The following PM20D2 variants were observed in gnomAD, a reference collection of about 807,000 sequenced individuals.
PM20D2 encodes the protein xaa-Arg dipeptidase.
In PM20D2, 33 loss-of-function variants were observed where a neutral mutation model predicts 42.9. The observed-to-expected ratio is 0.77, with a 90% CI of 0.58 to 1.03. The LOEUF is 1.03. Ranked by LOEUF, PM20D2 falls within the 50% of genes least tolerant of loss-of-function variation. The pLI, the probability that PM20D2 is intolerant of heterozygous loss-of-function variation, is 0.00. For synonymous variants in PM20D2, 250 were observed against 228.2 expected, an observed-to-expected ratio of 1.10 and a Z score of -0.86; for missense variants, 548 against 557.0, an observed-to-expected ratio of 0.98 and a Z score of 0.16.
the PM20D2 span, among the ~76,000 whole-genome samples, chr6:89,122,757 A>G: frequency 1.1e-4 from 16 of 152,200 alleles, no homozygotes; most frequent in African/African-American, 3.1e-4. Flanking sequence ...TCAACAGAGA[A>G]TATCATTTTA....
the PM20D2 span, chr6:89,105,078 G>T: frequency 6.5e-7 from 1 of 1,544,168 alleles, no homozygotes; most frequent in Non-Finnish European, 8.8e-7. Flanking sequence ...CTATTTCCCA[G>T]AAAAAGTAGA....
intron 4 of PM20D2, 85 bp from the exon 5 acceptor site, chr6:89,158,240 C>T: frequency 8.2e-7 from 1 of 1,225,704 alleles, no homozygotes; most frequent in Non-Finnish European, 1.1e-6. Flanking sequence ...AAACCTCTTC[C>T]TATTAGAGAA....
intron 4 of PM20D2, 61 bp downstream of exon 4, chr6:89,154,963 G>A: frequency 7.6e-7 from 1 of 1,314,996 alleles, no homozygotes; most frequent in Non-Finnish European, 1.0e-6. Context: ...GGCTAGCACT[G>A]TTAGATTGAA....
In PM20D2 at chr6:89,146,359, C is replaced by T. The variant is rs1231820149; in HGVS notation, c.215C>T (p.Ala72Val). 5 of 1,551,168 alleles carry T rather than the reference C, an allele frequency of 3.2e-6. No individual in the cohort carries two copies. The highest frequency in any genetic ancestry group is 1.9e-5 in the Admixed American group (1 of 52,432). Residue 72 changes from alanine to valine, a missense_variant, in exon 1 of 7, where the codon GCG becomes GTG. Ala to Val is a moderately conservative substitution (Grantham distance 64, BLOSUM62 0). Coordinates refer to ENST00000275072, the MANE Select transcript of PM20D2 (RefSeq NM_001010853.3). ...LTHFFEREPP[A>V]ASWAVQPHYQ... Reference sequence around the variant, plus strand: ...CACTTCTTCGAGCGGGAGCCGCCCGCGGCCTCCTGGGCAGTGCAGCCGCAC... The same window carrying T: ...CACTTCTTCGAGCGGGAGCCGCCCGTGGCCTCCTGGGCAGTGCAGCCGCAC...
intron 2 of PM20D2, among the ~76,000 whole-genome samples, chr6:89,152,687 T>A (rs917544877): frequency 6.6e-6 from 1 of 152,202 alleles, no homozygotes; most frequent in East Asian, 1.9e-4. Flanking sequence ...TACAGACTTT[T>A]GATAATAGAA....
Position 89,154,831 on chromosome 6 carries a change from A to T in PM20D2, c.841A>T (p.Lys281Ter), listed in dbSNP as rs778490155. The T allele has an allele frequency of 6.2e-7, 1 of 1,610,158 alleles. No homozygotes were observed. Residue 281 changes from lysine (K) to a stop codon, truncating the protein, a stop_gained, in exon 4 of 7, where the codon AAA becomes TAA. Coordinates refer to ENST00000275072, the MANE Select transcript of PM20D2 (RefSeq NM_001010853.3). LOFTEE classifies it high-confidence loss of function. ...CTATTACTTCCGTGCACCCTCAATGAAAGAACTTCAAGTTTTGACCAAAAA... is the reference window on the plus strand; with the variant it reads ...CTATTACTTCCGTGCACCCTCAATGTAAGAACTTCAAGTTTTGACCAAAAA... ...LIYYFRAPSM[K>*]ELQVLTKKAE...
chr6:89,136,547 GGGCGC>G, the PM20D2 span, among the ~76,000 whole-genome samples: 2 of 150,498 alleles, frequency 1.3e-5, no homozygotes. Context: ...GCGTGGTGGT[GGGCGC>G]CTGTAGTCCC....
chr6:89,161,710 T>G (rs1194506583), intron 5 of PM20D2, 73 bp from the exon 6 acceptor site: 1 of 1,176,826 alleles, frequency 8.5e-7, no homozygotes, highest in Non-Finnish European at 1.3e-6. Context: ...TAACAGGGAC[T>G]GTGACTTCAT....
rs1018741895 is a variant in PM20D2, at chr6:89,162,399, G to A, written c.*136G>A. ...ACCTGATAAGTGAGGACAGGGTGTG[G>A]AGAAAACATATTAATTACCTCATAT... On this transcript the variant is annotated 3_prime_UTR_variant, in exon 7 of 7. Coordinates refer to ENST00000275072, the MANE Select transcript of PM20D2 (RefSeq NM_001010853.3). 4 of 920,572 alleles carry A rather than the reference G, an allele frequency of 4.3e-6. No homozygotes were observed. The African/African-American group carries it at 5.0e-5, about 12-fold the overall frequency. The allele number at this position is 920,572 out of a possible 1,614,324, so 57.0% of individuals were successfully genotyped here.
At chr6:89,108,485 C>T in the PM20D2 span, among the ~76,000 whole-genome samples, 3 of 152,208 alleles carry the variant, frequency 2.0e-5, no homozygotes, top group Admixed American at 1.3e-4. Flanking sequence ...AATTTTCAGT[C>T]TCATACTGGT....
upstream of PM20D2, among the ~76,000 whole-genome samples, chr6:89,143,237 T>A (rs893549260): frequency 6.6e-6 from 1 of 152,196 alleles, no homozygotes; most frequent in African/African-American, 2.4e-5. Context: ...GAGTTCTGAA[T>A]CTGAAGCCCA....
the PM20D2 span, among the ~76,000 whole-genome samples, chr6:89,104,692 T>G: frequency 6.6e-6 from 1 of 152,180 alleles, no homozygotes; most frequent in African/African-American, 2.4e-5. Context: ...TGTTATCTTT[T>G]AACAAAAATT....
At chr6:89,143,977 A>T (rs10223547), upstream of PM20D2, among the ~76,000 whole-genome samples, 40,637 of 152,178 alleles carry the variant, frequency 0.27, 5,533 homozygotes, top group Admixed American at 0.32. Context: ...TGACCATAAG[A>T]TGTTAGGTGC....
intron 5 of PM20D2, among the ~76,000 whole-genome samples, chr6:89,159,720 C>G (rs1484898821): frequency 1.3e-5 from 2 of 152,146 alleles, no homozygotes; most frequent in East Asian, 1.9e-4. Context: ...GAGACTTTCC[C>G]TCTAGGAAGT....
the PM20D2 span, among the ~76,000 whole-genome samples, chr6:89,128,355 T>C: frequency 6.6e-6 from 1 of 152,172 alleles, no homozygotes; most frequent in South Asian, 2.1e-4. Flanking sequence ...CTCAGGCTTA[T>C]TAGGGTGGGG....
Position 89,153,174 on chromosome 6 carries a change from G to A in PM20D2, c.746G>A (p.Trp249Ter). Residue 249 changes from tryptophan to a stop codon, truncating the protein, a stop_gained, in exon 3 of 7, where the codon TGG becomes TAG. Transcript: ENST00000275072. LOFTEE classifies it high-confidence loss of function. Reference sequence around the variant, plus strand: ...TTCAGACAGCAAATGAAACCAACCTGGAGAGTTCATGGTATGAATGTCAAA... The same window carrying A: ...TTCAGACAGCAAATGAAACCAACCTAGAGAGTTCATGGTATGAATGTCAAA... Reference protein sequence around the residue: ...SVFRQQMKPTWRVHGIIKNGG... With the variant: ...SVFRQQMKPT 6.2e-7 allele frequency: 1 copy of A among 1,602,066 alleles called. No individual in the cohort carries two copies. Among genetic ancestry groups the A allele is most frequent in the South Asian group, 1.1e-5 (1 of 88,664 alleles).
At chr6:89,132,099 A>G in the PM20D2 span, among the ~76,000 whole-genome samples, 1 of 152,176 alleles carries the variant, frequency 6.6e-6, no homozygotes, top group African/African-American at 2.4e-5. Context: ...ACAAGAACCA[A>G]CTCAATCCTG....
chr6:89,155,020 G>T, intron 4 of PM20D2, 118 bp downstream of exon 4: 1 of 864,844 alleles, frequency 1.2e-6, no homozygotes, highest in South Asian at 3.1e-5. Context: ...TATGCAAAAT[G>T]AATTGGCTGA....
intron 1 of PM20D2, among the ~76,000 whole-genome samples, chr6:89,147,322 A>G (rs973459226): frequency 1.3e-5 from 2 of 152,228 alleles, no homozygotes; most frequent in Non-Finnish European, 1.5e-5. Context: ...ATTCTACACT[A>G]TGAGCTAAGA....
Sources: allele counts gnomAD v4.1 joint callset (sites outside exome capture counted in the v4.1 genomes callset), GRCh38; gene constraint gnomAD v4.1.1; transcripts MANE v1.5; gene names NCBI Gene and HGNC (gene_info 2026-07-23, HGNC 2026-07-21).